The following ZMYND8 variants were observed in gnomAD, a reference collection of about 807,000 sequenced individuals.
ZMYND8 encodes the protein zinc finger MYND-type containing 8, also known as MYND-type zinc finger-containing chromatin reader ZMYND8.
A neutral mutation model predicts 140.8 loss-of-function variants in ZMYND8; 37 were observed. The observed-to-expected ratio is 0.26, with a 90% CI of 0.20 to 0.35. The LOEUF is 0.35. Ranked by LOEUF, ZMYND8 falls within the 10% of genes least tolerant of loss-of-function variation. The pLI, the probability that ZMYND8 is intolerant of heterozygous loss-of-function variation, is 1.00. For synonymous variants in ZMYND8, 592 were observed against 597.1 expected, an observed-to-expected ratio of 0.99 and a Z score of 0.12; for missense variants, 1,068 against 1,570.0, an observed-to-expected ratio of 0.68 and a Z score of 5.40.
At chr20:47,340,529 C>T (rs2081767593) in intron 2 of ZMYND8, among the ~76,000 whole-genome samples, 2 of 151,476 alleles carry the variant, frequency 1.3e-5, no homozygotes, top group Admixed American at 6.6e-5. Flanking sequence ...CGTGGTGGCT[C>T]ACGCCTACAA....
Position 47,210,877 on chromosome 20 carries a change from A to G in ZMYND8, c.3589T>C (p.Ser1197Pro). ...TTCTCATCACTGCTGCTCCAACTGGATTTATTACTCCGGGAATGGTCTGAG... is the reference window on the plus strand; with the variant it reads ...TTCTCATCACTGCTGCTCCAACTGGGTTTATTACTCCGGGAATGGTCTGAG... ...AQKYHSRSNK[S>P]SWSSSDEKRG... The change falls in exon 23 of 23, where the codon TCC (serine) becomes CCC (proline). Residue 1197 changes from serine to proline, a missense_variant. By Grantham distance (74) the Ser-to-Pro change is moderately conservative. Coordinates refer to ENST00000471951, the MANE Select transcript of ZMYND8 (RefSeq NM_001281775.3). 6.2e-7 allele frequency: 1 copy of G among 1,613,824 alleles called. No homozygotes were observed. The highest frequency in any genetic ancestry group is 8.5e-7 in the Non-Finnish European group (1 of 1,179,922).
In ZMYND8 at chr20:47,313,309, G is replaced by A. The variant is rs182154586; in HGVS notation, c.86-3105C>T. On this transcript the variant is annotated intron_variant, in intron 2 of 22. Transcript: ENST00000471951. ...CACCTGGGCAACATGGTGAAACCCC[G>A]CATCTACAAAAAATATAAAAATTAG... Among the ~76,000 whole-genome samples the A allele has an allele frequency of 4.0e-5, 6 of 151,130 alleles. No individual in the cohort carries two copies. The East Asian group carries it at 5.9e-4, about 15-fold the overall frequency.
chr20:47,334,653 G>A (rs1046202063), intron 2 of ZMYND8, among the ~76,000 whole-genome samples: 5 of 150,302 alleles, frequency 3.3e-5, no homozygotes, highest in East Asian at 2.0e-4. Flanking sequence ...TCTGTCACCC[G>A]GGCTGGAGTA....
In ZMYND8 at chr20:47,217,396, TAAAAAG is replaced by T. The variant is rs1179224610; in HGVS notation, c.3484+2856_3484+2861del. ...TATGGTTGCAAAGCTCAGTCCTTGT[TAAAAAG>T]AGAATCAAGAAATATGAGAGATGCT... On this transcript the variant is annotated intron_variant, in intron 21 of 22. Coordinates refer to ENST00000471951, the MANE Select transcript of ZMYND8 (RefSeq NM_001281775.3). Among the ~76,000 whole-genome samples, 6 of 152,162 alleles carry T rather than the reference TAAAAAG, an allele frequency of 3.9e-5. No individual in the cohort carries two copies. In the East Asian group the frequency reaches 1.2e-3, roughly 29 times the overall value.
chr20:47,321,312 G>A (rs2079928811), intron 2 of ZMYND8, among the ~76,000 whole-genome samples: 1 of 152,170 alleles, frequency 6.6e-6, no homozygotes, highest in Non-Finnish European at 1.5e-5. Flanking sequence ...AGAGTGGAAA[G>A]CAGTATCAGC....
chr20:47,338,204 G>A (rs1464152457), intron 2 of ZMYND8, among the ~76,000 whole-genome samples: 4 of 152,098 alleles, frequency 2.6e-5, no homozygotes, highest in Non-Finnish European at 5.9e-5. Flanking sequence ...GGCCAGAGAC[G>A]TGCACATGGA....
At chr20:47,334,428 T>C (rs892554606) in intron 2 of ZMYND8, among the ~76,000 whole-genome samples, 4 of 152,028 alleles carry the variant, frequency 2.6e-5, no homozygotes, top group Non-Finnish European at 5.9e-5. Flanking sequence ...ATTCCATTTA[T>C]ATGAAATGTC....
chr20:47,218,863 C>A (rs948681156), intron 21 of ZMYND8, among the ~76,000 whole-genome samples: 1 of 151,170 alleles, frequency 6.6e-6, no homozygotes, highest in African/African-American at 2.5e-5. Flanking sequence ...CAGCCCCTAA[C>A]AATGGACATC....
intron 3 of ZMYND8, among the ~76,000 whole-genome samples, chr20:47,305,052 G>A (rs1011209545): frequency 2.0e-5 from 3 of 151,768 alleles, no homozygotes; most frequent in African/African-American, 4.8e-5. Context: ...CGACCAGCCT[G>A]GGCAGCAAGA....
At chr20:47,318,767 A>G in intron 2 of ZMYND8, 1 of 485,674 alleles carries the variant, frequency 2.1e-6, no homozygotes, top group South Asian at 1.5e-5. Flanking sequence ...GTGCTTATAA[A>G]GAATCTCTGC....
At position 47,210,744 on chromosome 20, in the gene ZMYND8, T is replaced by C. The variant is rs1052854900; in HGVS notation, c.*17A>G. ...TTTTCTCCCAATGGGGTGGGTGGTT[T>C]GTGTCCCGATTCACTGCTAGTCCCA... On this transcript the variant is annotated 3_prime_UTR_variant, in exon 23 of 23. Transcript: ENST00000471951. 8.7e-6 allele frequency: 14 copies of C among 1,614,006 alleles called. No individual in the cohort carries two copies. The highest frequency in any genetic ancestry group is 3.3e-5 in the Admixed American group (2 of 60,000).
intron 19 of ZMYND8, among the ~76,000 whole-genome samples, chr20:47,222,168 A>G (rs2037058816): frequency 6.6e-6 from 1 of 152,196 alleles, no homozygotes; most frequent in African/African-American, 2.4e-5. Flanking sequence ...GGACAGGAAA[A>G]CCACGTGAAA....
chr20:47,244,310 C>T (rs1376146780), intron 14 of ZMYND8, among the ~76,000 whole-genome samples: 1 of 152,200 alleles, frequency 6.6e-6, no homozygotes, highest in African/African-American at 2.4e-5. Context: ...GGTTTTATGG[C>T]TACAACCTGT....
intron 2 of ZMYND8, among the ~76,000 whole-genome samples, chr20:47,333,189 CATATAT>C (rs538394621): frequency 1.6e-4 from 24 of 151,932 alleles, no homozygotes; most frequent in African/African-American, 5.6e-4. Flanking sequence ...GTCTACAAAA[CATATAT>C]ATATGAGAGA....
At chr20:47,328,977 C>T (rs890143031) in intron 2 of ZMYND8, among the ~76,000 whole-genome samples, 8 of 152,208 alleles carry the variant, frequency 5.3e-5, no homozygotes, top group African/African-American at 1.7e-4. Context: ...AACTTTACCC[C>T]AGTCAGGCCT....
At chr20:47,281,232 T>C (rs1392261234) in intron 10 of ZMYND8, among the ~76,000 whole-genome samples, 2 of 152,224 alleles carry the variant, frequency 1.3e-5, no homozygotes, top group African/African-American at 4.8e-5. Flanking sequence ...GTAAATGAGT[T>C]TGCAAATGAC....
At chr20:47,346,960 AGTCAC>A (rs1442981578) in intron 2 of ZMYND8, among the ~76,000 whole-genome samples, 2 of 152,136 alleles carry the variant, frequency 1.3e-5, no homozygotes, top group African/African-American at 4.8e-5. Context: ...GCCTTTAGGG[AGTCAC>A]TTTGTGCGAC....
At chr20:47,229,586 T>C (rs1314510067) in intron 17 of ZMYND8, 140 bp downstream of exon 17, 1 of 725,254 alleles carries the variant, frequency 1.4e-6, no homozygotes, top group Non-Finnish European at 2.3e-6. Flanking sequence ...CCCCCATCGA[T>C]AATGACAATC....
intron 3 of ZMYND8, among the ~76,000 whole-genome samples, chr20:47,302,817 C>T (rs1266761966): frequency 1.6e-4 from 25 of 152,104 alleles, no homozygotes; most frequent in Non-Finnish European, 8.8e-5. Flanking sequence ...GTGCACAAAG[C>T]TAGAGGGGAA....
Sources: gnomAD v4.1 joint callset for allele counts (sites outside exome capture counted in the v4.1 genomes callset) on GRCh38, gnomAD v4.1.1 for gene constraint, MANE v1.5 for transcripts, NCBI Gene and HGNC (gene_info 2026-07-23, HGNC 2026-07-21) for gene names.